ELAPOR2: variants seen among roughly 807,000 people sequenced by gnomAD.
The protein encoded by ELAPOR2 is endosome-lysosome associated apoptosis and autophagy regulator family member 2.
In ELAPOR2, 89 loss-of-function variants were observed where a neutral mutation model predicts 120.7. The observed-to-expected ratio is 0.74, with a 90% CI of 0.62 to 0.88. ELAPOR2 has a LOEUF of 0.88. ELAPOR2 is among the 40% of genes least tolerant of loss of function. The probability of loss-of-function intolerance (pLI) is 0.00; values close to 1 mark genes in which losing one functional copy is unlikely to be tolerated. For synonymous variants in ELAPOR2, 444 were observed against 444.9 expected, an observed-to-expected ratio of 1.00 and a Z score of 0.03; for missense variants, 1,134 against 1,251.6, an observed-to-expected ratio of 0.91 and a Z score of 1.42.
chr7:86,915,575 A>C (rs535370730), intron 12 of ELAPOR2, among the ~76,000 whole-genome samples: 1 of 151,902 alleles, frequency 6.6e-6, no homozygotes, highest in East Asian at 1.9e-4. Flanking sequence ...ATAATGTAAC[A>C]TACATCTAAT....
rs570743323 is a variant in ELAPOR2, at chr7:86,895,076, G to T, written c.2686-1976C>A. 1.3e-4 allele frequency among the ~76,000 whole-genome samples: 20 copies of T among 152,194 alleles called. No homozygotes were observed. The South Asian group carries it at 3.7e-3, about 28-fold the overall frequency. On this transcript the variant is annotated intron_variant, in intron 19 of 21. Transcript: ENST00000450689. ...TCAACATAAAGTAAAAAATTGTAAA[G>T]ATGGTGTCGGAAATAGGACTGAAAC...
intron 1 of ELAPOR2, among the ~76,000 whole-genome samples, chr7:87,002,575 G>A (rs562743771): frequency 1.8e-4 from 28 of 152,166 alleles, no homozygotes; most frequent in African/African-American, 5.8e-4. Context: ...GATTCTGAGA[G>A]GGGAATTTCT....
At chr7:87,042,708 A>C (rs1409168642) in intron 1 of ELAPOR2, among the ~76,000 whole-genome samples, 1 of 152,182 alleles carries the variant, frequency 6.6e-6, no homozygotes, top group Non-Finnish European at 1.5e-5. Context: ...CAACTAGAAA[A>C]GCAAGAGCAA....
intron 1 of ELAPOR2, among the ~76,000 whole-genome samples, chr7:86,973,363 C>G (rs768157166): frequency 5.9e-5 from 9 of 152,146 alleles, no homozygotes; most frequent in Non-Finnish European, 7.4e-5. Context: ...CCTCCAGACC[C>G]CAGCATGTAA....
intron 1 of ELAPOR2, among the ~76,000 whole-genome samples, chr7:87,004,954 C>T (rs989727640): frequency 6.6e-5 from 10 of 152,216 alleles, no homozygotes; most frequent in African/African-American, 2.2e-4. Flanking sequence ...CTGCCCAGAG[C>T]TACCAATAAT....
intron 1 of ELAPOR2, among the ~76,000 whole-genome samples, chr7:87,044,800 T>G (rs1294808759): frequency 2.0e-5 from 3 of 150,830 alleles, no homozygotes; most frequent in Non-Finnish European, 4.4e-5. Context: ...CAAAAGAAAC[T>G]ACCATCAGAG....
chr7:87,024,642 C>G (rs1031125351), intron 1 of ELAPOR2, among the ~76,000 whole-genome samples: 2 of 152,064 alleles, frequency 1.3e-5, no homozygotes, highest in Non-Finnish European at 2.9e-5. Context: ...AGGAATAGTA[C>G]CAGCTCCTCC....
intron 1 of ELAPOR2, among the ~76,000 whole-genome samples, chr7:87,042,075 T>C (rs377239966): frequency 6.7e-6 from 1 of 149,838 alleles, no homozygotes; most frequent in South Asian, 2.1e-4. Flanking sequence ...CCTAAATATA[T>C]ATGCACCCAA....
chr7:87,059,437 G>A lies in ELAPOR2; in HGVS notation c.77C>T (p.Ser26Leu), dbSNP rs1275042348. 10 of 1,231,844 alleles carry A rather than the reference G, an allele frequency of 8.1e-6. No individual in the cohort carries two copies. In the South Asian group the frequency reaches 3.7e-4, roughly 46 times the overall value. 76.3% of individuals were successfully genotyped at this position (1,231,844 alleles called of 1,614,324 possible). The change falls in exon 1 of 22, where the codon TCG becomes TTG. Residue 26 changes from serine to leucine, a missense_variant. Physicochemically the swap from Ser to Leu is moderately radical, Grantham distance 145. Coordinates refer to ENST00000450689, the MANE Select transcript of ELAPOR2 (RefSeq NM_001142749.3). ...AATCCAGGCGGGGCTCCAGGGCGGC[G>A]AGCGCCCGCGGCGGGGAGCCTCCGC... ...RPAEAPRRGR[S>L]PPWSPAWICC...
intron 1 of ELAPOR2, among the ~76,000 whole-genome samples, chr7:86,966,412 G>A (rs1011416212): frequency 4.6e-5 from 7 of 152,042 alleles, no homozygotes; most frequent in Admixed American, 2.6e-4. Context: ...TATTCTTTAA[G>A]ATGATACAGA....
At chr7:87,029,832 G>A (rs1317658865) in intron 1 of ELAPOR2, among the ~76,000 whole-genome samples, 3 of 152,078 alleles carry the variant, frequency 2.0e-5, no homozygotes, top group East Asian at 1.9e-4. Flanking sequence ...TTTACAAAGA[G>A]GTCATAGAAG....
At chr7:87,057,191 C>T (rs542366471) in intron 1 of ELAPOR2, among the ~76,000 whole-genome samples, 8 of 152,314 alleles carry the variant, frequency 5.3e-5, no homozygotes, top group African/African-American at 1.9e-4. Context: ...AAGGGCTGAG[C>T]TCAAGAGGAT....
At chr7:86,953,858 T>C (rs1791366353) in intron 2 of ELAPOR2, among the ~76,000 whole-genome samples, 1 of 152,160 alleles carries the variant, frequency 6.6e-6, no homozygotes, top group Admixed American at 6.5e-5. Context: ...TCACAATAGT[T>C]TACCTAAGCA....
rs947767569 is a variant in ELAPOR2 at position 87,019,042 on chromosome 7, G to A, written c.189+40283C>T. 2.6e-5 allele frequency among the ~76,000 whole-genome samples: 4 copies of A among 152,156 alleles called. No individual in the cohort carries two copies. In the East Asian group the frequency reaches 5.8e-4, roughly 22 times the overall value. On this transcript the variant is annotated intron_variant, in intron 1 of 21. Coordinates refer to ENST00000450689, the MANE Select transcript of ELAPOR2 (RefSeq NM_001142749.3). ...AGCAAAAAATGACAGAGATCACTTC[G>A]TTAAGACATTTAACTTCTCTGTGAC...
intron 1 of ELAPOR2, among the ~76,000 whole-genome samples, chr7:87,017,155 C>G (rs558806746): frequency 3.3e-5 from 5 of 152,298 alleles, no homozygotes; most frequent in African/African-American, 1.2e-4. Flanking sequence ...CTTTTACATT[C>G]CTGGCAATCT....
chr7:86,892,235 G>A (rs1183546244), intron 20 of ELAPOR2, among the ~76,000 whole-genome samples: 1 of 151,996 alleles, frequency 6.6e-6, no homozygotes, highest in Non-Finnish European at 1.5e-5. Flanking sequence ...GGTTTTCCCA[G>A]TATTTAGTTC....
chr7:87,037,540 T>C (rs1794626926), intron 1 of ELAPOR2, among the ~76,000 whole-genome samples: 1 of 152,170 alleles, frequency 6.6e-6, no homozygotes, highest in African/African-American at 2.4e-5. Flanking sequence ...ATTCATACTG[T>C]CATGTGTTTA....
intron 10 of ELAPOR2, among the ~76,000 whole-genome samples, chr7:86,924,802 C>A (rs377762038): frequency 6.6e-6 from 1 of 151,578 alleles, no homozygotes; most frequent in African/African-American, 2.4e-5. Flanking sequence ...CACACACATA[C>A]GTGTTTACAA....
chr7:86,955,755 TTTC>T (rs1484437167), intron 2 of ELAPOR2, among the ~76,000 whole-genome samples: 1 of 151,942 alleles, frequency 6.6e-6, no homozygotes, highest in Non-Finnish European at 1.5e-5. Context: ...AGATTCCAAG[TTTC>T]TTCTTCTGTG....
Sources: gnomAD v4.1 joint callset for allele counts (sites outside exome capture counted in the v4.1 genomes callset) on GRCh38, gnomAD v4.1.1 for gene constraint, MANE v1.5 for transcripts, NCBI Gene and HGNC (gene_info 2026-07-23, HGNC 2026-07-21) for gene names.